TMEM9: variants seen among roughly 807,000 people sequenced by gnomAD.
TMEM9 encodes the protein proton-transporting V-type ATPase complex assembly regulator TMEM9.
A neutral mutation model predicts 22.8 loss-of-function variants in TMEM9; 13 were observed. The observed-to-expected ratio is 0.57, with a 90% CI of 0.37 to 0.91. The LOEUF is 0.91. TMEM9 is among the 40% of genes least tolerant of loss of function. The pLI is 0.01. For missense variants in TMEM9, 182 were observed against 238.1 expected (o/e 0.76, Z 1.55); for synonymous variants, 88 against 93.0 (o/e 0.95, Z 0.31).
At chr1:201,146,658 G>GAA in intron 3 of TMEM9, 82 bp downstream of exon 3, 1 of 1,413,044 alleles carries the variant, frequency 7.1e-7, no homozygotes, top group Non-Finnish European at 1.0e-6. Flanking sequence ...AGAATAAAGT[G>GAA]AAAAACTGTG....
intron 1 of TMEM9, 55 bp downstream of exon 1, chr1:201,153,803 C>G (rs1327570410): frequency 6.2e-7 from 1 of 1,609,684 alleles, no homozygotes; most frequent in African/African-American, 1.3e-5. Flanking sequence ...GCCCTGTAGA[C>G]AGGGTGGCCG....
intron 1 of TMEM9, among the ~76,000 whole-genome samples, chr1:201,164,471 A>AC (rs1002476714): frequency 2.0e-5 from 3 of 152,224 alleles, no homozygotes; most frequent in African/African-American, 7.2e-5. Flanking sequence ...TTGCAATCTA[A>AC]CTCAATTTTG....
intron 2 of TMEM9, among the ~76,000 whole-genome samples, chr1:201,147,981 C>T (rs533307330): frequency 6.6e-6 from 1 of 152,200 alleles, no homozygotes; most frequent in Admixed American, 6.5e-5. Flanking sequence ...AATCTTTATT[C>T]GTGCTGTCTC....
At chr1:201,152,233 G>A (rs1030528786) in intron 1 of TMEM9, among the ~76,000 whole-genome samples, 6 of 152,054 alleles carry the variant, frequency 3.9e-5, no homozygotes, top group African/African-American at 1.4e-4. Flanking sequence ...CTGTCCAGTG[G>A]ACTTGGCAGC....
At chr1:201,162,969 A>G (rs1348445187) in intron 1 of TMEM9, among the ~76,000 whole-genome samples, 1 of 152,228 alleles carries the variant, frequency 6.6e-6, no homozygotes, top group Non-Finnish European at 1.5e-5. Flanking sequence ...ATTCAACGTC[A>G]CAGCCATTAG....
At chr1:201,168,027 A>G (rs1666119184) in intron 1 of TMEM9, among the ~76,000 whole-genome samples, 1 of 152,174 alleles carries the variant, frequency 6.6e-6, no homozygotes, top group African/African-American at 2.4e-5. Flanking sequence ...ACTACTCTTC[A>G]TCTGTGCCTT....
intron 2 of TMEM9, among the ~76,000 whole-genome samples, chr1:201,150,547 A>C (rs1386274172): frequency 6.6e-6 from 1 of 152,216 alleles, no homozygotes; most frequent in South Asian, 2.1e-4. Flanking sequence ...GAGATTAAGT[A>C]ATTTGTCACA....
Position 201,154,430 on chromosome 1 carries a change from G to A in TMEM9, c.-507C>T, listed in dbSNP as rs1170367089. The A allele has an allele frequency of 6.5e-6, 1 of 154,596 alleles. No homozygotes were observed. Among genetic ancestry groups the A allele is most frequent in the Non-Finnish European group, 1.4e-5 (1 of 70,348 alleles). The allele number at this position is 154,596 out of a possible 1,614,324, so 9.6% of individuals were successfully genotyped here. ...CGCGACCCCCGTCCCCTCCCCCAAT[G>A]CCGCGTCCACGAACCTACAAGCCCG... is the stretch of plus-strand genomic sequence containing the variant. On this transcript the variant is annotated 5_prime_UTR_variant, in exon 1 of 5. Transcript: ENST00000367330.
intron 1 of TMEM9, among the ~76,000 whole-genome samples, chr1:201,166,156 C>CA (rs768602179): frequency 1.3e-5 from 2 of 152,098 alleles, no homozygotes; most frequent in Non-Finnish European, 2.9e-5. Flanking sequence ...TCCTCTCTTG[C>CA]TAATTTGTCC....
intron 1 of TMEM9, among the ~76,000 whole-genome samples, chr1:201,162,271 T>C (rs775390411): frequency 6.6e-6 from 1 of 151,884 alleles, no homozygotes; most frequent in Non-Finnish European, 1.5e-5. Context: ...GCTGGGACTA[T>C]AGGCATGTGC....
intron 1 of TMEM9, among the ~76,000 whole-genome samples, chr1:201,165,893 G>C (rs1246232291): frequency 6.6e-6 from 1 of 152,090 alleles, no homozygotes; most frequent in African/African-American, 2.4e-5. Flanking sequence ...CAGGAGCAGG[G>C]GAAAGCAAAA....
upstream of TMEM9, among the ~76,000 whole-genome samples, chr1:201,158,686 A>G (rs868265031): frequency 2.0e-4 from 30 of 152,194 alleles, no homozygotes; most frequent in Middle Eastern, 6.8e-3. Flanking sequence ...CACTCTCCCC[A>G]GCAGAGGAGG....
chr1:201,146,615 T>G, intron 3 of TMEM9, 125 bp downstream of exon 3: 1 of 1,048,400 alleles, frequency 9.5e-7, no homozygotes, highest in Non-Finnish European at 1.5e-6. Context: ...TAGGCCAGCC[T>G]AGAAGCCAGT....
At chr1:201,142,422 A>G (rs1055826884) in intron 4 of TMEM9, among the ~76,000 whole-genome samples, 2 of 152,116 alleles carry the variant, frequency 1.3e-5, no homozygotes, top group Non-Finnish European at 2.9e-5. Context: ...CACCTACCCC[A>G]TAGTTAGACC....
At chr1:201,140,358 G>A (rs566174937) in intron 4 of TMEM9, among the ~76,000 whole-genome samples, 14 of 152,304 alleles carry the variant, frequency 9.2e-5, no homozygotes, top group East Asian at 5.8e-4. Context: ...TCTGTTTGCC[G>A]TTTCTGCCCC....
At chr1:201,156,998 T>C (rs923260500), upstream of TMEM9, among the ~76,000 whole-genome samples, 7 of 152,210 alleles carry the variant, frequency 4.6e-5, no homozygotes, top group Non-Finnish European at 1.0e-4. Flanking sequence ...TTGAGGTTTG[T>C]TGTCTCCTGG....
intron 2 of TMEM9, among the ~76,000 whole-genome samples, chr1:201,148,281 G>T (rs1665148331): frequency 6.6e-6 from 1 of 152,204 alleles, no homozygotes; most frequent in Non-Finnish European, 1.5e-5. Flanking sequence ...TTCTGACTCA[G>T]CCTCAGTGGG....
chr1:201,162,829 A>G (rs1665977948), intron 1 of TMEM9, among the ~76,000 whole-genome samples: 1 of 152,186 alleles, frequency 6.6e-6, no homozygotes, highest in Admixed American at 6.5e-5. Context: ...CTAATGAAGG[A>G]CTGGTATGTA....
intron 2 of TMEM9, among the ~76,000 whole-genome samples, chr1:201,149,528 A>G (rs1380943862): frequency 6.6e-6 from 1 of 152,166 alleles, no homozygotes; most frequent in Non-Finnish European, 1.5e-5. Flanking sequence ...GGACCCACCA[A>G]TGGGGCAAAG....
Sources: gnomAD v4.1 joint callset for allele counts (sites outside exome capture counted in the v4.1 genomes callset) on GRCh38, gnomAD v4.1.1 for gene constraint, MANE v1.5 for transcripts, NCBI Gene and HGNC (gene_info 2026-07-23, HGNC 2026-07-21) for gene names.